CPED1: variants seen among roughly 807,000 people sequenced by gnomAD.
CPED1 encodes cadherin like and PC-esterase domain containing 1.
CPED1 carries 114 observed loss-of-function variants against 128.2 expected under a neutral mutation model. The ratio of observed to expected loss-of-function variants is 0.89; its 90% CI spans 0.76 to 1.04. The LOEUF (loss-of-function observed/expected upper bound fraction) is 1.04. Among genes scored for constraint, CPED1 ranks in the 50% least tolerant of loss-of-function variants. The pLI is 0.00. For synonymous variants in CPED1, 462 were observed against 426.7 expected (o/e 1.08, Z -1.02); for missense variants, 1,211 against 1,207.1 (o/e 1.00, Z -0.05).
At chr7:121,046,488 C>G (rs1307265603) in intron 3 of CPED1, among the ~76,000 whole-genome samples, 1 of 152,068 alleles carries the variant, frequency 6.6e-6, no homozygotes, top group East Asian at 1.9e-4. Flanking sequence ...CATTATTTGA[C>G]TTCACAGCTT....
intron 17 of CPED1, among the ~76,000 whole-genome samples, chr7:121,242,954 C>T (rs1278785510): frequency 6.6e-6 from 1 of 152,084 alleles, no homozygotes; most frequent in Non-Finnish European, 1.5e-5. Flanking sequence ...TACACAAACA[C>T]ATTCACAATT....
At chr7:121,249,994 C>T (rs912345089) in intron 18 of CPED1, among the ~76,000 whole-genome samples, 2 of 152,214 alleles carry the variant, frequency 1.3e-5, no homozygotes, top group African/African-American at 4.8e-5. Context: ...ACAGAACTCT[C>T]CACCCCAAAT....
At chr7:121,272,170 C>A (rs1028621810) in intron 22 of CPED1, among the ~76,000 whole-genome samples, 1 of 152,082 alleles carries the variant, frequency 6.6e-6, no homozygotes, top group Non-Finnish European at 1.5e-5. Flanking sequence ...TTCCATCCCC[C>A]AGCTTAGGTT....
intron 18 of CPED1, among the ~76,000 whole-genome samples, chr7:121,256,585 C>G (rs767714254): frequency 2.6e-5 from 4 of 152,080 alleles, no homozygotes; most frequent in Non-Finnish European, 4.4e-5. Context: ...AAAAAGAACA[C>G]TTATACACTG....
intron 7 of CPED1, among the ~76,000 whole-genome samples, chr7:121,100,465 TG>T (rs1273179158): frequency 6.6e-6 from 1 of 152,206 alleles, no homozygotes; most frequent in Non-Finnish European, 1.5e-5. Flanking sequence ...TTGTGCTTTT[TG>T]CTTCACCCTT....
chr7:121,094,260 A>G (rs1305459859), intron 5 of CPED1, among the ~76,000 whole-genome samples: 2 of 152,340 alleles, frequency 1.3e-5, no homozygotes, highest in African/African-American at 4.8e-5. Flanking sequence ...ATGCAAGACA[A>G]TATTCAAACA....
At chr7:121,270,313 C>T (rs751237530) in intron 21 of CPED1, among the ~76,000 whole-genome samples, 16 of 152,054 alleles carry the variant, frequency 1.1e-4, no homozygotes, top group Non-Finnish European at 1.9e-4. Flanking sequence ...AGTTTGCAAA[C>T]ATTTTCTCCC....
At chr7:121,142,640 A>G (rs2116372094) in intron 16 of CPED1, among the ~76,000 whole-genome samples, 1 of 152,110 alleles carries the variant, frequency 6.6e-6, no homozygotes, top group South Asian at 2.1e-4. Context: ...ATCATTTTGC[A>G]AGGCTGTAGT....
In CPED1 at chr7:121,267,242, C is replaced by G; in HGVS notation, c.2661C>G (p.Ile887Met). ...AAAATTTACTCAATATCCTAGTGAT[C>G]ATCAAAACTTTGGGAATTGGATTTC... ...KRENLLNILV[I>M]IKTLGIGFHL... is the part of the protein sequence containing the mutation. Residue 887 changes from isoleucine to methionine, a missense_variant, in exon 21 of 23, where the codon ATC becomes ATG. Physicochemically the swap from Ile to Met is conservative, Grantham distance 10. Transcript: ENST00000310396. The G allele has an allele frequency of 1.2e-6, 2 of 1,600,174 alleles. No individual in the cohort carries two copies. The highest frequency in any genetic ancestry group is 1.7e-6 in the Non-Finnish European group (2 of 1,169,862).
At chr7:121,115,502 A>G (rs941552946) in intron 7 of CPED1, among the ~76,000 whole-genome samples, 5 of 152,206 alleles carry the variant, frequency 3.3e-5, no homozygotes, top group Non-Finnish European at 7.3e-5. Flanking sequence ...AGGAAACTTA[A>G]TAAGACCTAA....
At chr7:121,092,960 T>C (rs1166768616) in intron 5 of CPED1, among the ~76,000 whole-genome samples, 1 of 152,180 alleles carries the variant, frequency 6.6e-6, no homozygotes, top group Non-Finnish European at 1.5e-5. Context: ...CATCTACTTA[T>C]TCTTTTAGTC....
chr7:121,153,268 T>A (rs1796200723), intron 16 of CPED1, among the ~76,000 whole-genome samples: 1 of 152,208 alleles, frequency 6.6e-6, no homozygotes, highest in African/African-American at 2.4e-5. Context: ...AACTTGTTCA[T>A]ATATTATAAT....
At chr7:121,077,233 C>T (rs1563016663) in intron 5 of CPED1, among the ~76,000 whole-genome samples, 1 of 152,130 alleles carries the variant, frequency 6.6e-6, no homozygotes, top group Non-Finnish European at 1.5e-5. Flanking sequence ...ACTTAGTAGA[C>T]ATGTTCTTCT....
At chr7:121,217,477 T>G (rs1178308126) in intron 16 of CPED1, among the ~76,000 whole-genome samples, 1 of 152,100 alleles carries the variant, frequency 6.6e-6, no homozygotes, top group Non-Finnish European at 1.5e-5. Context: ...GTCATTGTTT[T>G]GTATTTCCTA....
intron 2 of CPED1, among the ~76,000 whole-genome samples, chr7:121,012,979 C>A (rs1321842092): frequency 6.6e-6 from 1 of 152,182 alleles, no homozygotes; most frequent in African/African-American, 2.4e-5. Flanking sequence ...AATATCCCTT[C>A]CTTGTGTGAA....
intron 4 of CPED1, chr7:121,051,203 A>T (rs1188076456): frequency 2.0e-6 from 1 of 505,546 alleles, no homozygotes; most frequent in Non-Finnish European, 4.0e-6. Context: ...ACCAAGTCTG[A>T]TTAATACAGT....
chr7:121,093,075 A>G (rs977442083), intron 5 of CPED1, among the ~76,000 whole-genome samples: 4 of 152,070 alleles, frequency 2.6e-5, no homozygotes, highest in East Asian at 1.9e-4. Context: ...CTAGGCTTCT[A>G]TTGTTTTCAA....
intron 5 of CPED1, among the ~76,000 whole-genome samples, chr7:121,091,883 A>G (rs1794579370): frequency 6.6e-6 from 1 of 152,204 alleles, no homozygotes; most frequent in Admixed American, 6.5e-5. Flanking sequence ...TTTAGCAACT[A>G]TCTATAATGT....
intron 5 of CPED1, among the ~76,000 whole-genome samples, chr7:121,088,860 GC>G (rs1308971551): frequency 2.0e-5 from 3 of 148,112 alleles, no homozygotes; most frequent in African/African-American, 7.4e-5. Flanking sequence ...AGATAGGAAG[GC>G]CCTTCCCCTC....
Sources: allele counts gnomAD v4.1 joint callset (sites outside exome capture counted in the v4.1 genomes callset), GRCh38; gene constraint gnomAD v4.1.1; transcripts MANE v1.5; gene names NCBI Gene and HGNC (gene_info 2026-07-23, HGNC 2026-07-21).